CTNNA3: variants seen among roughly 807,000 people sequenced by gnomAD.
The protein encoded by CTNNA3 is catenin alpha-3.
In CTNNA3, 76 loss-of-function variants were observed where a neutral mutation model predicts 95.7. That is an observed-to-expected ratio of 0.79 (90% confidence interval 0.66 to 0.96). The LOEUF is 0.96. Among genes scored for constraint, CTNNA3 ranks in the 40% least tolerant of loss-of-function variants. The pLI is 0.00. For missense variants in CTNNA3, 1,191 were observed against 1,089.8 expected (o/e 1.09, Z -1.31); for synonymous variants, 431 against 374.4 (o/e 1.15, Z -1.74).
At chr10:66,671,969 T>G (rs1304129383) in intron 9 of CTNNA3, among the ~76,000 whole-genome samples, 1 of 152,180 alleles carries the variant, frequency 6.6e-6, no homozygotes, top group Non-Finnish European at 1.5e-5. Context: ...CTTGAAGTGA[T>G]GTCCAATGTT....
intron 5 of CTNNA3, among the ~76,000 whole-genome samples, chr10:67,487,831 G>C (rs1848500616): frequency 6.6e-6 from 1 of 152,088 alleles, no homozygotes; most frequent in Non-Finnish European, 1.5e-5. Flanking sequence ...CTTCTCTCTT[G>C]ACCTTCCTCA....
chr10:67,685,361 A>G (rs1208444297), intron 1 of CTNNA3, among the ~76,000 whole-genome samples: 1 of 152,224 alleles, frequency 6.6e-6, no homozygotes, highest in Non-Finnish European at 1.5e-5. Context: ...TAAGCAGACC[A>G]ATTATTAGGC....
chr10:67,231,705 C>G (rs977434137), intron 5 of CTNNA3, among the ~76,000 whole-genome samples: 2 of 151,980 alleles, frequency 1.3e-5, no homozygotes, highest in African/African-American at 4.8e-5. Flanking sequence ...AGACGATCAA[C>G]TTACTCCGAG....
intron 13 of CTNNA3, among the ~76,000 whole-genome samples, chr10:66,211,716 C>T (rs1455793489): frequency 1.3e-5 from 2 of 152,124 alleles, no homozygotes; most frequent in African/African-American, 2.4e-5. Flanking sequence ...GCAACATGCC[C>T]GGATAAGAGT....
At chr10:66,259,980 C>T (rs2090938437) in intron 13 of CTNNA3, among the ~76,000 whole-genome samples, 1 of 152,050 alleles carries the variant, frequency 6.6e-6, no homozygotes, top group African/African-American at 2.4e-5. Flanking sequence ...ATTGTTGGGG[C>T]TTAGGAACTG....
chr10:66,052,078 A>G (rs959117359), intron 15 of CTNNA3, among the ~76,000 whole-genome samples: 12 of 152,198 alleles, frequency 7.9e-5, no homozygotes, highest in South Asian at 2.1e-4. Context: ...GAAAGTCTAG[A>G]TAAGTAAATA....
chr10:66,033,271 C>T (rs763518984), intron 15 of CTNNA3, among the ~76,000 whole-genome samples: 1 of 151,706 alleles, frequency 6.6e-6, no homozygotes. Context: ...GCTGGGACTA[C>T]AGGCGCCCAC....
intron 15 of CTNNA3, among the ~76,000 whole-genome samples, chr10:66,001,121 A>T (rs1347711271): frequency 6.6e-6 from 1 of 152,118 alleles, no homozygotes. Flanking sequence ...CTGTCCCAGT[A>T]AAATAAAAAA....
chr10:67,248,201 AG>A (rs1204429350), intron 5 of CTNNA3, among the ~76,000 whole-genome samples: 1 of 152,050 alleles, frequency 6.6e-6, no homozygotes, highest in Non-Finnish European at 1.5e-5. Flanking sequence ...ACGTGCCTGT[AG>A]TCCTAACTAC....
At chr10:66,318,276 A>ATGTGTGTGTG (rs138734509) in intron 12 of CTNNA3, among the ~76,000 whole-genome samples, 55 of 136,660 alleles carry the variant, frequency 4.0e-4, no homozygotes, top group South Asian at 1.2e-3. Flanking sequence ...ATATATATAT[A>ATGTGTGTGTG]TGTGTGTGTG....
At chr10:67,726,911 TAC>T (rs1195729919) in intron 1 of CTNNA3, among the ~76,000 whole-genome samples, 9 of 116,228 alleles carry the variant, frequency 7.7e-5, no homozygotes, top group South Asian at 7.2e-4. Context: ...ATACATTATA[TAC>T]ATATGATATA....
At chr10:66,252,925 T>C (rs1038360037) in intron 13 of CTNNA3, among the ~76,000 whole-genome samples, 8 of 152,196 alleles carry the variant, frequency 5.3e-5, no homozygotes, top group African/African-American at 1.7e-4. Context: ...TAGAGAGGTA[T>C]GCATTTTCTA....
chr10:67,577,518 C>T (rs1161116280), intron 3 of CTNNA3, among the ~76,000 whole-genome samples: 1 of 152,060 alleles, frequency 6.6e-6, no homozygotes, highest in Non-Finnish European at 1.5e-5. Context: ...TGTGCAGAAG[C>T]TCTTTAGTTT....
intron 6 of CTNNA3, among the ~76,000 whole-genome samples, chr10:67,181,843 T>A (rs539838516): frequency 1.7e-4 from 25 of 151,480 alleles, no homozygotes; most frequent in South Asian, 4.2e-4. Context: ...ACATTTTTTT[T>A]AAAAAAACAG....
At chr10:66,946,770 C>T (rs1226408881) in intron 7 of CTNNA3, among the ~76,000 whole-genome samples, 2 of 152,040 alleles carry the variant, frequency 1.3e-5, no homozygotes, top group Admixed American at 6.6e-5. Context: ...CCCCACCACA[C>T]CCAGGCACAC....
At chr10:66,604,413 G>T (rs773703196) in intron 10 of CTNNA3, among the ~76,000 whole-genome samples, 25 of 152,106 alleles carry the variant, frequency 1.6e-4, no homozygotes, top group Non-Finnish European at 2.6e-4. Flanking sequence ...CAGGTACACT[G>T]ACACCCATTA....
intron 17 of CTNNA3, among the ~76,000 whole-genome samples, chr10:65,951,666 C>G (rs575437285): frequency 1.5e-4 from 23 of 151,972 alleles, no homozygotes; most frequent in South Asian, 1.3e-3. Flanking sequence ...CTAAAGTCAC[C>G]GAGAGGTCAT....
At chr10:67,041,141 A>T (rs1854366869) in intron 7 of CTNNA3, among the ~76,000 whole-genome samples, 1 of 152,150 alleles carries the variant, frequency 6.6e-6, no homozygotes, top group South Asian at 2.1e-4. Flanking sequence ...AGAACTAGGG[A>T]ATTCAGCCAA....
At chr10:67,170,271 T>C (rs1861958982) in intron 7 of CTNNA3, among the ~76,000 whole-genome samples, 1 of 152,172 alleles carries the variant, frequency 6.6e-6, no homozygotes, top group Non-Finnish European at 1.5e-5. Context: ...CATTACTGGG[T>C]ACATACCCAA....
Sources: gnomAD v4.1 joint callset for allele counts (sites outside exome capture counted in the v4.1 genomes callset) on GRCh38, gnomAD v4.1.1 for gene constraint, MANE v1.5 for transcripts, NCBI Gene and HGNC (gene_info 2026-07-23, HGNC 2026-07-21) for gene names.